Variants in PTPRD observed in about 807,000 individuals in gnomAD.
The protein encoded by PTPRD is protein tyrosine phosphatase receptor type D.
Under a neutral mutation model 214.5 loss-of-function variants are expected in PTPRD, and 34 were observed. The ratio of observed to expected loss-of-function variants is 0.16; its 90% CI spans 0.12 to 0.21. The LOEUF (loss-of-function observed/expected upper bound fraction) is 0.21, where lower values mean the gene tolerates loss of function less well. PTPRD is among the 10% of genes least tolerant of loss of function. The pLI, the probability that PTPRD is intolerant of heterozygous loss-of-function variation, is 1.00. For synonymous variants in PTPRD, 1,128 were observed against 845.7 expected (o/e 1.33, Z -5.79); for missense variants, 2,545 against 2,398.7 (o/e 1.06, Z -1.27).
chr9:8,866,618 G>A (rs72704333), intron 11 of PTPRD, among the ~76,000 whole-genome samples: 8,616 of 152,198 alleles, frequency 0.057, 282 homozygotes, highest in Middle Eastern at 0.11. Context: ...TGCTGCCTGA[G>A]CCCATTTTTC....
At chr9:9,236,594 T>G (rs1233455836) in intron 9 of PTPRD, among the ~76,000 whole-genome samples, 2 of 122,720 alleles carry the variant, frequency 1.6e-5, no homozygotes, top group Non-Finnish European at 1.7e-5. Context: ...GTACATTCCT[T>G]TAGCTAAAGA....
chr9:9,897,726 T>C (rs927587466), intron 5 of PTPRD, among the ~76,000 whole-genome samples: 5 of 152,118 alleles, frequency 3.3e-5, no homozygotes, highest in Admixed American at 2.0e-4. Flanking sequence ...CAATATATTA[T>C]TTTTAGAAAC....
intron 8 of PTPRD, among the ~76,000 whole-genome samples, chr9:9,543,788 C>T (rs1010282478): frequency 6.6e-6 from 1 of 151,640 alleles, no homozygotes; most frequent in South Asian, 2.1e-4. Flanking sequence ...GTGTTGCACA[C>T]TTGATTTTTC....
intron 3 of PTPRD, among the ~76,000 whole-genome samples, chr9:10,050,836 C>T (rs1395544884): frequency 6.6e-6 from 1 of 151,928 alleles, no homozygotes; most frequent in East Asian, 1.9e-4. Context: ...GGTCTCCATA[C>T]ATACTGGACT....
At chr9:10,101,040 G>A (rs2098546920) in intron 3 of PTPRD, among the ~76,000 whole-genome samples, 1 of 151,556 alleles carries the variant, frequency 6.6e-6, no homozygotes, top group Non-Finnish European at 1.5e-5. Flanking sequence ...AAGTTTATTT[G>A]TTTCTAGACA....
intron 11 of PTPRD, 124 bp from the exon 12 acceptor site, chr9:8,734,070 T>C: frequency 1.8e-6 from 1 of 569,366 alleles, no homozygotes; most frequent in South Asian, 2.1e-5. Context: ...AAATACACAA[T>C]AAATTGTAAC....
intron 3 of PTPRD, among the ~76,000 whole-genome samples, chr9:10,233,696 A>T (rs76083906): frequency 0.014 from 2,102 of 152,122 alleles, 50 homozygotes; most frequent in African/African-American, 0.047. Flanking sequence ...GTGAAGGAAC[A>T]TTGGGAAAGC....
At chr9:9,868,600 T>TA (rs767125175) in intron 5 of PTPRD, among the ~76,000 whole-genome samples, 1,945 of 146,578 alleles carry the variant, frequency 0.013, 23 homozygotes, top group Non-Finnish European at 0.018. Context: ...GATAAATTAT[T>TA]AAAAAAAAAA....
intron 5 of PTPRD, among the ~76,000 whole-genome samples, chr9:9,789,281 T>C (rs1269105273): frequency 6.6e-6 from 1 of 152,222 alleles, no homozygotes; most frequent in Non-Finnish European, 1.5e-5. Context: ...GCGGAATGCC[T>C]TGGCCTATAG....
At chr9:10,048,544 C>T (rs989895106) in intron 3 of PTPRD, among the ~76,000 whole-genome samples, 5 of 151,958 alleles carry the variant, frequency 3.3e-5, no homozygotes, top group Non-Finnish European at 7.4e-5. Context: ...TCTTTAATCC[C>T]TACTCTTCCA....
chr9:9,338,409 A>C (rs2045451695), intron 9 of PTPRD, among the ~76,000 whole-genome samples: 1 of 152,232 alleles, frequency 6.6e-6, no homozygotes, highest in South Asian at 2.1e-4. Context: ...TAATGCCTGA[A>C]TACTGAACGA....
chr9:9,158,840 C>T (rs2099883662), intron 10 of PTPRD, among the ~76,000 whole-genome samples: 1 of 152,076 alleles, frequency 6.6e-6, no homozygotes, highest in Non-Finnish European at 1.5e-5. Flanking sequence ...TTCAACAACA[C>T]ATTAAAATAA....
At chr9:9,420,577 A>C (rs1310852602) in intron 8 of PTPRD, among the ~76,000 whole-genome samples, 2 of 151,944 alleles carry the variant, frequency 1.3e-5, no homozygotes, top group Non-Finnish European at 2.9e-5. Flanking sequence ...AAAACAGTTC[A>C]GATAGTTATA....
Position 9,400,426 on chromosome 9 carries a change from T to C in PTPRD, c.-236-2944A>G, listed in dbSNP as rs1007052725. ...TCACATGATTGAAAACACCAGATAA[T>C]AGGACCAATCAAAATCCGTCCTTCT... On this transcript the variant is annotated intron_variant, in intron 8 of 45. Coordinates refer to ENST00000381196, the MANE Select transcript of PTPRD (RefSeq NM_002839.4). 8.7e-5 allele frequency among the ~76,000 whole-genome samples: 6 copies of C among 68,876 alleles called. No individual in the cohort carries two copies. In the South Asian group the frequency reaches 3.1e-3, roughly 35 times the overall value. The allele number at this position is 68,876 out of a possible 152,430, so 45.2% of individuals were successfully genotyped here. A position where few individuals can be genotyped will look rare whatever the true frequency, so the allele number is the denominator to read the frequency against.
chr9:9,019,327 A>C lies in PTPRD; in HGVS notation c.-142-592T>G, dbSNP rs1182322023. Among the ~76,000 whole-genome samples, 5 of 79,332 alleles carry C rather than the reference A, an allele frequency of 6.3e-5. No homozygotes were observed. In the East Asian group the frequency reaches 1.7e-3, roughly 28 times the overall value. 52.0% of individuals were successfully genotyped at this position (79,332 alleles called of 152,430 possible). ...AAGAAAGAAAGAAAGAAAGAAAGAA[A>C]GAAAGAAAGAACGAAAGAAAGAAAG... On this transcript the variant is annotated intron_variant, in intron 10 of 45. Transcript: ENST00000381196.
At chr9:9,270,441 G>A (rs1942359886) in intron 9 of PTPRD, among the ~76,000 whole-genome samples, 4 of 151,318 alleles carry the variant, frequency 2.6e-5, no homozygotes, top group African/African-American at 4.8e-5. Context: ...GGCAGAAAGA[G>A]CGTTCCAGGC....
intron 8 of PTPRD, among the ~76,000 whole-genome samples, chr9:9,413,900 T>C (rs1291011430): frequency 1.3e-5 from 2 of 152,210 alleles, no homozygotes; most frequent in East Asian, 3.9e-4. Flanking sequence ...ATGTAATACA[T>C]AATTACTGAT....
At chr9:8,910,265 C>T (rs1057239544) in intron 11 of PTPRD, among the ~76,000 whole-genome samples, 14 of 151,970 alleles carry the variant, frequency 9.2e-5, no homozygotes, top group African/African-American at 2.2e-4. Context: ...TCTCGATCTC[C>T]TGACCTCGTG....
At chr9:8,836,121 A>C (rs2097416292) in intron 11 of PTPRD, among the ~76,000 whole-genome samples, 2 of 152,178 alleles carry the variant, frequency 1.3e-5, no homozygotes, top group African/African-American at 4.8e-5. Context: ...TTTGCGTTTT[A>C]TGTGCTGCTG....
Sources: gnomAD v4.1 joint callset for allele counts (sites outside exome capture counted in the v4.1 genomes callset) on GRCh38, gnomAD v4.1.1 for gene constraint, MANE v1.5 for transcripts, NCBI Gene and HGNC (gene_info 2026-07-23, HGNC 2026-07-21) for gene names.